Variants in RHEB observed in about 807,000 individuals in gnomAD.
RHEB encodes the protein GTP-binding protein Rheb.
RHEB carries 2 observed loss-of-function variants against 28.8 expected under a neutral mutation model. The ratio of observed to expected loss-of-function variants is 0.07; its 90% CI spans 0.03 to 0.22. The LOEUF (loss-of-function observed/expected upper bound fraction) is 0.22. RHEB is among the 10% of genes least tolerant of loss of function. RHEB has a pLI of 1.00. For synonymous variants in RHEB, 69 were observed against 77.3 expected, an observed-to-expected ratio of 0.89 and a Z score of 0.56; for missense variants, 76 against 219.9, an observed-to-expected ratio of 0.35 and a Z score of 4.14.
At chr7:151,502,761 C>T in intron 1 of RHEB, 1 of 1,499,830 alleles carries the variant, frequency 6.7e-7, no homozygotes, top group South Asian at 1.1e-5. Flanking sequence ...GGAAAAGCGA[C>T]ATAACTATGT....
chr7:151,506,937 G>A (rs914411320), intron 1 of RHEB, among the ~76,000 whole-genome samples: 4 of 152,100 alleles, frequency 2.6e-5, no homozygotes, highest in Non-Finnish European at 5.9e-5. Flanking sequence ...ATCACTTGAG[G>A]CTCCCAAGAA....
At chr7:151,491,343 A>G (rs1802577263) in intron 1 of RHEB, among the ~76,000 whole-genome samples, 1 of 152,206 alleles carries the variant, frequency 6.6e-6, no homozygotes. Context: ...GTATTCTTGG[A>G]ATCTTGCTAT....
intron 3 of RHEB, among the ~76,000 whole-genome samples, chr7:151,484,475 A>AT (rs1285104497): frequency 5.3e-5 from 8 of 152,238 alleles, no homozygotes; most frequent in Non-Finnish European, 1.2e-4. Context: ...TCCTTGACTT[A>AT]TGATGGGGTT....
rs1156810807 is a variant in RHEB at position 151,471,584 on chromosome 7, G to A, written c.297C>T (p.Ile99=). The A allele has an allele frequency of 6.2e-7, 1 of 1,603,918 alleles. No individual in the cohort carries two copies. Among genetic ancestry groups the A allele is most frequent in the Admixed American group, 1.7e-5 (1 of 59,176 alleles). ...CCACCATATCCAACAATTTGCCATG[G>A]ATAACTTTAATCACTTCAAAACTAT... ...SIKSFEVIKV[I]HGKLLDMVGK... The change falls in exon 5 of 8, where the codon ATC becomes ATT. Residue 99 remains isoleucine (I), a synonymous_variant. Coordinates refer to ENST00000262187, the MANE Select transcript of RHEB (RefSeq NM_005614.4).
intron 7 of RHEB, among the ~76,000 whole-genome samples, chr7:151,470,056 T>C (rs1584845385): frequency 6.6e-6 from 1 of 152,310 alleles, no homozygotes; most frequent in East Asian, 1.9e-4. Flanking sequence ...AGGCAGAATC[T>C]ACATCCTTCC....
At chr7:151,505,345 G>C (rs1344835213) in intron 1 of RHEB, among the ~76,000 whole-genome samples, 1 of 152,110 alleles carries the variant, frequency 6.6e-6, no homozygotes, top group East Asian at 1.9e-4. Flanking sequence ...TGATAATCTA[G>C]GCAAAAGACT....
intron 3 of RHEB, among the ~76,000 whole-genome samples, chr7:151,483,862 C>T (rs1371211534): frequency 6.6e-6 from 1 of 152,178 alleles, no homozygotes; most frequent in East Asian, 1.9e-4. Flanking sequence ...GCTAAGCTGT[C>T]AAAAGGGCTT....
intron 3 of RHEB, among the ~76,000 whole-genome samples, chr7:151,483,215 T>C (rs894645142): frequency 6.6e-6 from 1 of 152,220 alleles, no homozygotes; most frequent in South Asian, 2.1e-4. Context: ...AATACAGCTA[T>C]CTTCTTGCTT....
intron 4 of RHEB, among the ~76,000 whole-genome samples, chr7:151,476,273 C>T (rs984050007): frequency 1.3e-5 from 2 of 152,210 alleles, no homozygotes; most frequent in African/African-American, 2.4e-5. Flanking sequence ...GTAAGGAACC[C>T]AGACACTGGC....
intron 1 of RHEB, chr7:151,503,347 G>C: frequency 2.3e-6 from 2 of 887,662 alleles, no homozygotes; most frequent in Non-Finnish European, 3.9e-6. Context: ...AATGCAAGAC[G>C]GGTCTCGGTT....
chr7:151,493,542 C>T (rs917587436), intron 1 of RHEB, among the ~76,000 whole-genome samples: 14 of 152,164 alleles, frequency 9.2e-5, no homozygotes, highest in African/African-American at 3.4e-4. Context: ...GATTTCTGAA[C>T]AAATGAACGA....
At position 151,519,663 on chromosome 7, in the gene RHEB, G is replaced by C. The variant is rs914097442; in HGVS notation, c.-152C>G. ...CTGCCTCTCGCTCGCTAGCTCGCGC[G>C]CTCCCAACCGCCCGGAACCGACCGC... On this transcript the variant is annotated 5_prime_UTR_variant, in exon 1 of 8. Transcript: ENST00000262187. 1.7e-6 allele frequency: 1 copy of C among 575,966 alleles called. No homozygotes were observed. Among genetic ancestry groups the C allele is most frequent in the Non-Finnish European group, 2.6e-6 (1 of 386,854 alleles). 35.7% of individuals were successfully genotyped at this position (575,966 alleles called of 1,614,324 possible).
At chr7:151,517,439 G>A (rs1220021474) in intron 1 of RHEB, among the ~76,000 whole-genome samples, 1 of 150,998 alleles carries the variant, frequency 6.6e-6, no homozygotes, top group Non-Finnish European at 1.5e-5. Context: ...CGTTTAATAT[G>A]ACTACGCTTG....
At chr7:151,503,944 C>A (rs1396635379) in intron 1 of RHEB, among the ~76,000 whole-genome samples, 1 of 152,094 alleles carries the variant, frequency 6.6e-6, no homozygotes, top group African/African-American at 2.4e-5. Flanking sequence ...GCTTAGACTG[C>A]ATAAGAAATA....
chr7:151,490,623 T>A (rs979161370), intron 2 of RHEB, among the ~76,000 whole-genome samples: 2 of 152,140 alleles, frequency 1.3e-5, no homozygotes, highest in African/African-American at 4.8e-5. Flanking sequence ...GAAACTGCAA[T>A]GGCTGGGAGA....
chr7:151,516,229 C>G (rs1803075055), intron 1 of RHEB, among the ~76,000 whole-genome samples: 2 of 151,926 alleles, frequency 1.3e-5, no homozygotes, highest in Non-Finnish European at 2.9e-5. Context: ...AGGAAAAGTA[C>G]AGGGGACTGG....
chr7:151,517,212 T>C (rs1433560734), intron 1 of RHEB, among the ~76,000 whole-genome samples: 3 of 151,794 alleles, frequency 2.0e-5, no homozygotes, highest in East Asian at 3.9e-4. Flanking sequence ...CTACTAAAAA[T>C]ACAAAATTAG....
At chr7:151,499,044 A>G (rs1219916273) in intron 1 of RHEB, among the ~76,000 whole-genome samples, 2 of 152,220 alleles carry the variant, frequency 1.3e-5, no homozygotes, top group African/African-American at 4.8e-5. Context: ...CTCAGTATAT[A>G]AATTCTAATG....
chr7:151,491,187 A>G (rs972665753), intron 1 of RHEB, among the ~76,000 whole-genome samples, 173 bp from the exon 2 acceptor site: 1 of 152,258 alleles, frequency 6.6e-6, no homozygotes, highest in African/African-American at 2.4e-5. Flanking sequence ...AAATTTCATT[A>G]ATTTGCTTTA....
Sources: allele counts gnomAD v4.1 joint callset (sites outside exome capture counted in the v4.1 genomes callset), GRCh38; gene constraint gnomAD v4.1.1; transcripts MANE v1.5; gene names NCBI Gene and HGNC (gene_info 2026-07-23, HGNC 2026-07-21).